NTAN1: variants seen among roughly 807,000 people sequenced by gnomAD.
The protein encoded by NTAN1 is protein N-terminal asparagine amidohydrolase.
In NTAN1, 32 loss-of-function variants were observed where a neutral mutation model predicts 41.9. The ratio of observed to expected loss-of-function variants is 0.76; its 90% CI spans 0.58 to 1.03. The LOEUF is 1.03. NTAN1 is among the 50% of genes least tolerant of loss of function. The pLI is 0.00. For synonymous variants in NTAN1, 140 were observed against 139.5 expected (o/e 1.00, Z -0.03); for missense variants, 377 against 377.5 (o/e 1.00, Z 0.01).
intron 5 of NTAN1, among the ~76,000 whole-genome samples, chr16:15,043,198 C>G (rs1408880870): frequency 6.6e-6 from 1 of 151,974 alleles, no homozygotes; most frequent in Non-Finnish European, 1.5e-5. Context: ...CCGCACCCGG[C>G]CTAATTTTTG....
chr16:15,042,258 T>TAA (rs1018101662), intron 5 of NTAN1, among the ~76,000 whole-genome samples: 3 of 150,730 alleles, frequency 2.0e-5, no homozygotes, highest in Non-Finnish European at 4.4e-5. Flanking sequence ...CGATCTCTGC[T>TAA]CATCGCAGTC....
At position 15,048,064 on chromosome 16, in the gene NTAN1, T is replaced by C. The variant is rs766222033; in HGVS notation, c.117A>G (p.Gln39=). ...ACAGAAGGCCCTGGGGTCCCACTTGTTGAACAGACTGACCTCTGAGAAGTC... is the reference window on the plus strand; with the variant it reads ...ACAGAAGGCCCTGGGGTCCCACTTGCTGAACAGACTGACCTCTGAGAAGTC... The part of the protein sequence containing the change: ...RARLLRGQSV[Q]QVGPQGLLYV... Residue 39 remains glutamine (Q), a synonymous_variant, in exon 2 of 10, where the codon CAA becomes CAG. Coordinates refer to ENST00000287706, the MANE Select transcript of NTAN1 (RefSeq NM_173474.4). 14 of 1,612,872 alleles carry C rather than the reference T, an allele frequency of 8.7e-6. No individual in the cohort carries two copies. Among genetic ancestry groups the C allele is most frequent in the Non-Finnish European group, 1.2e-5 (14 of 1,178,872 alleles).
chr16:15,054,845 GCAAA>G lies in NTAN1; in HGVS notation c.81+1042_81+1045del, dbSNP rs1308280932. Among the ~76,000 whole-genome samples, 3 of 152,226 alleles carry G rather than the reference GCAAA, an allele frequency of 2.0e-5. No individual in the cohort carries two copies. In the East Asian group the frequency reaches 5.8e-4, roughly 29 times the overall value. On this transcript the variant is annotated intron_variant, in intron 1 of 9. Coordinates refer to ENST00000287706, the MANE Select transcript of NTAN1 (RefSeq NM_173474.4). ...CGACAGACCAATAGAGAACAAACAA[GCAAA>G]CAAAATAATCACAAACTGTACAGCT...
intron 5 of NTAN1, 117 bp downstream of exon 5, chr16:15,044,217 C>A: frequency 1.5e-6 from 1 of 685,432 alleles, no homozygotes; most frequent in Non-Finnish European, 2.6e-6. Flanking sequence ...TTTCTCTGTG[C>A]TGCTCCAAGT....
chr16:15,055,748 G>C (rs1216611745), intron 1 of NTAN1, 143 bp downstream of exon 1: 4 of 417,378 alleles, frequency 9.6e-6, no homozygotes, highest in Non-Finnish European at 1.6e-5. Flanking sequence ...GACCCCTCAA[G>C]GGGAAGACGC....
chr16:15,048,612 T>C (rs932262395), intron 1 of NTAN1, among the ~76,000 whole-genome samples: 5 of 152,168 alleles, frequency 3.3e-5, no homozygotes, highest in African/African-American at 1.2e-4. Context: ...TGGATGGCTC[T>C]GAAATCACAT....
chr16:15,038,318 T>C (rs1320987905), intron 9 of NTAN1, 108 bp from the exon 10 acceptor site: 1 of 814,156 alleles, frequency 1.2e-6, no homozygotes, highest in Admixed American at 3.0e-5. Flanking sequence ...TATAATAAAA[T>C]ACGTTAAGAA....
At chr16:15,047,288 G>A (rs1033043270) in intron 4 of NTAN1, 154 bp downstream of exon 4, 13 of 626,138 alleles carry the variant, frequency 2.1e-5, no homozygotes, top group African/African-American at 1.5e-4. Context: ...CACTGCTGAC[G>A]CAGTGCCCAC....
chr16:15,050,866 C>T (rs1044812866), intron 1 of NTAN1, among the ~76,000 whole-genome samples: 1 of 152,178 alleles, frequency 6.6e-6, no homozygotes, highest in African/African-American at 2.4e-5. Flanking sequence ...GAAAATGAGA[C>T]AAGCCCCTTA....
Position 15,051,848 on chromosome 16 carries a change from C to T in NTAN1, c.82-3749G>A, listed in dbSNP as rs544834361. 9.2e-5 allele frequency among the ~76,000 whole-genome samples: 14 copies of T among 152,178 alleles called. No individual in the cohort carries two copies. In the East Asian group the frequency reaches 9.7e-4, roughly 10 times the overall value. On this transcript the variant is annotated intron_variant, in intron 1 of 9. Coordinates refer to ENST00000287706, the MANE Select transcript of NTAN1 (RefSeq NM_173474.4). The stretch of plus-strand genomic sequence containing the variant: ...CCTTTGCAGTAGCTGGAACCACAGG[C>T]GCACGCCACCACACTTGGCTAATTT...
At position 15,047,897 on chromosome 16, in the gene NTAN1, C is replaced by T; in HGVS notation, c.208G>A (p.Asp70Asn). The change falls in exon 3 of 10, where the codon GAT becomes AAT. Residue 70 changes from aspartate (D) to asparagine (N), a missense_variant. By Grantham distance (23) the Asp-to-Asn change is conservative. Coordinates refer to ENST00000287706, the MANE Select transcript of NTAN1 (RefSeq NM_173474.4). ...ACAATGTGACAAGTAGTGGCATCATCAGAACCCAGAATGGAGATGGAGCCT... is the reference window on the plus strand; with the variant it reads ...ACAATGTGACAAGTAGTGGCATCATTAGAACCCAGAATGGAGATGGAGCCT... ...KDGSISILGS[D>N]DATTCHIVVL... is the part of the protein sequence containing the mutation. The T allele has an allele frequency of 1.9e-6, 3 of 1,613,766 alleles. No individual in the cohort carries two copies. Among genetic ancestry groups the T allele is most frequent in the Non-Finnish European group, 2.5e-6 (3 of 1,179,632 alleles).
chr16:15,038,676 A>C lies in NTAN1; in HGVS notation c.651T>G (p.Ile217Met). The C allele has an allele frequency of 6.4e-7, 1 of 1,558,366 alleles. No homozygotes were observed. Among genetic ancestry groups the C allele is most frequent in the Non-Finnish European group, 8.8e-7 (1 of 1,134,452 alleles). Residue 217 changes from isoleucine (I) to methionine (M), a missense_variant, in exon 9 of 10, where the codon ATT becomes ATG. By Grantham distance (10) the Ile-to-Met change is conservative. Transcript: ENST00000287706. ...RTLAGGPMIS[I>M]YDAETEQLRI... ...GAAGTTGTTCTGTCTCTGCATCATA[A>C]ATGCTAATCATCTAAAAAAGAACGT...
chr16:15,053,596 G>A (rs578012482), intron 1 of NTAN1, among the ~76,000 whole-genome samples: 1 of 152,140 alleles, frequency 6.6e-6, no homozygotes, highest in African/African-American at 2.4e-5. Flanking sequence ...CCTACAAAGA[G>A]GACACCCTGT....
At chr16:15,050,411 G>A (rs1428343191) in intron 1 of NTAN1, among the ~76,000 whole-genome samples, 1 of 152,112 alleles carries the variant, frequency 6.6e-6, no homozygotes, top group Non-Finnish European at 1.5e-5. Context: ...CATGACTGGT[G>A]CTAATTTAGG....
intron 4 of NTAN1, among the ~76,000 whole-genome samples, chr16:15,046,852 G>A (rs2044090514): frequency 6.6e-6 from 1 of 151,964 alleles, no homozygotes; most frequent in Admixed American, 6.6e-5. Context: ...TCCAGACAGG[G>A]CGACACAGCA....
intron 9 of NTAN1, 79 bp from the exon 10 acceptor site, chr16:15,038,289 G>T: frequency 3.0e-6 from 3 of 1,003,830 alleles, no homozygotes; most frequent in Non-Finnish European, 4.5e-6. Flanking sequence ...AAGTATCTTT[G>T]TTCTTGGACA....
chr16:15,038,601 C>A lies in NTAN1; in HGVS notation c.726G>T (p.Leu242Phe), dbSNP rs989730925. The change falls in exon 9 of 10, where the codon TTG becomes TTT. Residue 242 changes from leucine (L) to phenylalanine (F), a missense_variant. Coordinates refer to ENST00000287706, the MANE Select transcript of NTAN1 (RefSeq NM_173474.4). ...CTAGTATTTGCTTGTCATCTTGGTG[C>A]AACCAGAAATCCACATGTGGAAATG... ...WTPFPHVDFW[L>F]HQDDKQILEN... is the part of the protein sequence containing the mutation. 6.2e-7 allele frequency: 1 copy of A among 1,602,930 alleles called. No homozygotes were observed. The highest frequency in any genetic ancestry group is 1.1e-5 in the South Asian group (1 of 90,756).
intron 1 of NTAN1, among the ~76,000 whole-genome samples, chr16:15,054,072 G>C (rs1293213838): frequency 5.9e-5 from 9 of 152,142 alleles, no homozygotes; most frequent in African/African-American, 1.7e-4. Context: ...TCCTCACCCG[G>C]GCTGCTCCGG....
intron 1 of NTAN1, among the ~76,000 whole-genome samples, chr16:15,050,628 A>AGT (rs575415327): frequency 1.7e-3 from 254 of 152,104 alleles, no homozygotes; most frequent in African/African-American, 5.8e-3. Context: ...GCTACTCTGG[A>AGT]GGCTCAGGTA....
Sources: allele counts gnomAD v4.1 joint callset (sites outside exome capture counted in the v4.1 genomes callset), GRCh38; gene constraint gnomAD v4.1.1; transcripts MANE v1.5; gene names NCBI Gene and HGNC (gene_info 2026-07-23, HGNC 2026-07-21).